The following HMCN1 variants were observed in gnomAD, a reference collection of about 807,000 sequenced individuals.
HMCN1 encodes hemicentin-1.
In HMCN1, 321 loss-of-function variants were observed where a neutral mutation model predicts 625.9. The observed-to-expected ratio is 0.51, with a 90% CI of 0.47 to 0.56. The LOEUF (loss-of-function observed/expected upper bound fraction) is 0.56, where lower values mean the gene tolerates loss of function less well. HMCN1 is among the 20% of genes least tolerant of loss of function. The pLI is 0.00. For synonymous variants in HMCN1, 2,425 were observed against 2,417.6 expected (o/e 1.00, Z -0.09); for missense variants, 6,588 against 6,887.3 (o/e 0.96, Z 1.54).
chr1:186,171,280 T>G lies in HMCN1; in HGVS notation c.15575-57T>G. ...CAAGATCATTAAAATGTTAAACATT[T>G]GGGATAAATTCAGGTTTCCTAATAG... On this transcript the variant is annotated intron_variant, in intron 100 of 106. Coordinates refer to ENST00000271588, the MANE Select transcript of HMCN1 (RefSeq NM_031935.3). 3.4e-6 allele frequency: 4 copies of G among 1,173,056 alleles called. No individual in the cohort carries two copies. The Admixed American group carries it at 5.1e-5, about 15-fold the overall frequency. The allele number at this position is 1,173,056 out of a possible 1,614,324, so 72.7% of individuals were successfully genotyped here.
At chr1:185,767,656 G>T (rs1655959022) in intron 1 of HMCN1, among the ~76,000 whole-genome samples, 2 of 152,234 alleles carry the variant, frequency 1.3e-5, no homozygotes, top group Non-Finnish European at 1.5e-5. Context: ...GTGAATAAAG[G>T]TATCTGCAAA....
chr1:185,854,226 A>AT (rs946102784), intron 2 of HMCN1, among the ~76,000 whole-genome samples: 49 of 152,260 alleles, frequency 3.2e-4, no homozygotes, highest in African/African-American at 1.0e-3. Flanking sequence ...GAAAATTAGA[A>AT]TTTTTTCTCT....
At position 186,081,288 on chromosome 1, in the gene HMCN1, G is replaced by C; in HGVS notation, c.8681G>C (p.Cys2894Ser). The C allele has an allele frequency of 6.2e-7, 1 of 1,613,140 alleles. No individual in the cohort carries two copies. The highest frequency in any genetic ancestry group is 1.3e-5 in the African/African-American group (1 of 74,982). The change falls in exon 56 of 107, where the codon TGT becomes TCT. Residue 2894 changes from cysteine to serine, a missense_variant. By Grantham distance (112) the Cys-to-Ser change is moderately radical. Coordinates refer to ENST00000271588, the MANE Select transcript of HMCN1 (RefSeq NM_031935.3). ...VLVNKSALIE[C>S]LSSGSPAPRN... ...GTGAACAAGAGTGCACTGATAGAGTGTTTATCCAGTGGCAGCCCAGCACCA... is the reference window on the plus strand; with the variant it reads ...GTGAACAAGAGTGCACTGATAGAGTCTTTATCCAGTGGCAGCCCAGCACCA...
intron 1 of HMCN1, 86 bp from the exon 2 acceptor site, chr1:185,845,940 A>C (rs369134800): frequency 1.2e-6 from 1 of 826,420 alleles, no homozygotes; most frequent in South Asian, 1.4e-5. Context: ...CATGTACTGC[A>C]AGGTGAAAAG....
chr1:186,142,901 C>G (rs755085263), intron 89 of HMCN1, among the ~76,000 whole-genome samples: 12 of 152,026 alleles, frequency 7.9e-5, no homozygotes, highest in Non-Finnish European at 1.6e-4. Flanking sequence ...TAACCAACAG[C>G]CTTGAAAATA....
At chr1:186,110,410 G>A (rs1459087628) in intron 71 of HMCN1, among the ~76,000 whole-genome samples, 2 of 152,172 alleles carry the variant, frequency 1.3e-5, no homozygotes, top group Non-Finnish European at 2.9e-5. Flanking sequence ...AGACACCGGT[G>A]TACTAAAAGC....
At chr1:186,088,819 A>G in intron 63 of HMCN1, 64 bp downstream of exon 63, 1 of 1,465,702 alleles carries the variant, frequency 6.8e-7, no homozygotes, top group Non-Finnish European at 9.4e-7. Context: ...GTACAAAATA[A>G]TCTACATTTA....
chr1:186,015,518 A>C, intron 31 of HMCN1, 81 bp downstream of exon 31: 1 of 1,337,158 alleles, frequency 7.5e-7, no homozygotes, highest in Non-Finnish European at 1.1e-6. Context: ...ATTCACTAAT[A>C]GTCCTTGGTG....
At chr1:185,891,344 T>G (rs1296365908) in intron 4 of HMCN1, among the ~76,000 whole-genome samples, 1 of 146,114 alleles carries the variant, frequency 6.8e-6, no homozygotes, top group Non-Finnish European at 1.5e-5. Context: ...GTGAATTTGA[T>G]CCTGTCATTA....
At chr1:186,031,172 C>A (rs1384480277) in intron 36 of HMCN1, among the ~76,000 whole-genome samples, 1 of 151,864 alleles carries the variant, frequency 6.6e-6, no homozygotes, top group Non-Finnish European at 1.5e-5. Context: ...TTTAGAATTC[C>A]TCATAGAACA....
At chr1:186,070,212 C>A (rs1658397481) in intron 51 of HMCN1, among the ~76,000 whole-genome samples, 1 of 152,178 alleles carries the variant, frequency 6.6e-6, no homozygotes, top group South Asian at 2.1e-4. Context: ...TAATGGGACT[C>A]ATATTTCAGA....
In HMCN1 at chr1:185,980,967, C is replaced by T; in HGVS notation, c.2567-11C>T. 6.6e-7 allele frequency: 1 copy of T among 1,525,688 alleles called. No homozygotes were observed. The highest frequency in any genetic ancestry group is 1.1e-5 in the South Asian group (1 of 89,268). 94.5% of individuals were successfully genotyped at this position (1,525,688 alleles called of 1,614,324 possible). Reference sequence around the variant, plus strand: ...ATGGTATTGGATGAGTAAATGAGTTCTTCCTTTTAGACTTATGGGCAAGTG... The same window carrying T: ...ATGGTATTGGATGAGTAAATGAGTTTTTCCTTTTAGACTTATGGGCAAGTG... On this transcript the variant is annotated splice_polypyrimidine_tract_variant and intron_variant, in intron 16 of 106. Coordinates refer to ENST00000271588, the MANE Select transcript of HMCN1 (RefSeq NM_031935.3).
chr1:186,178,123 A>G (rs919853900), intron 103 of HMCN1, among the ~76,000 whole-genome samples: 2 of 152,184 alleles, frequency 1.3e-5, no homozygotes, highest in South Asian at 4.1e-4. Context: ...GAACTTACAG[A>G]ACTAGTGTGT....
chr1:186,011,398 A>G (rs549906462), intron 30 of HMCN1, among the ~76,000 whole-genome samples: 2 of 152,274 alleles, frequency 1.3e-5, no homozygotes, highest in African/African-American at 4.8e-5. Flanking sequence ...ATGTTTCTTC[A>G]TACAGCTAAG....
At chr1:185,737,388 G>C (rs1653664201) in intron 1 of HMCN1, among the ~76,000 whole-genome samples, 1 of 152,142 alleles carries the variant, frequency 6.6e-6, no homozygotes, top group Non-Finnish European at 1.5e-5. Flanking sequence ...GGCCTCAAGT[G>C]ATTGTGCTGC....
chr1:185,988,278 C>G (rs1652144814), intron 20 of HMCN1, among the ~76,000 whole-genome samples: 1 of 152,148 alleles, frequency 6.6e-6, no homozygotes, highest in Admixed American at 6.5e-5. Context: ...TGTATTCTTG[C>G]AGTAAAGAAA....
rs1254765200 is a variant in HMCN1 at position 186,039,796 on chromosome 1, T to G, written c.6097T>G (p.Cys2033Gly). ...GGTTAATAACCCGGTGAGGTTAGAA[T>G]GTGAAGCCAGAGGTATTCCTGCCCC... is the stretch of plus-strand genomic sequence containing the variant. ...VVVNNPVRLE[C>G]EARGIPAPSL... The change falls in exon 39 of 107, where the codon TGT becomes GGT. Residue 2033 changes from cysteine to glycine, a missense_variant. Coordinates refer to ENST00000271588, the MANE Select transcript of HMCN1 (RefSeq NM_031935.3). The G allele has an allele frequency of 6.2e-7, 1 of 1,613,596 alleles. No homozygotes were observed. Among genetic ancestry groups the G allele is most frequent in the Non-Finnish European group, 8.5e-7 (1 of 1,179,644 alleles).
At chr1:185,982,507 C>T in intron 18 of HMCN1, 118 bp downstream of exon 18, 18 of 914,770 alleles carry the variant, frequency 2.0e-5, no homozygotes, top group Admixed American at 6.9e-5. Context: ...GTGGTGGGAT[C>T]TAGGCTCACC....
rs1365625858 is a variant in HMCN1 at position 186,137,611 on chromosome 1, A to G, written c.13696A>G (p.Lys4566Glu). The G allele has an allele frequency of 1.2e-6, 2 of 1,613,948 alleles. No homozygotes were observed. The highest frequency in any genetic ancestry group is 1.3e-5 in the African/African-American group (1 of 74,930). The change falls in exon 88 of 107, where the codon AAG becomes GAG. Residue 4566 changes from lysine to glutamate, a missense_variant. Physicochemically the swap from Lys to Glu is moderately conservative, Grantham distance 56. Around this residue, in one of 3 missense-constraint regions of HMCN1, gnomAD observed 1,954 missense variants for 2,013.1 expected, o/e 0.97. Transcript: ENST00000271588. ...CCAGCCCCTTCCAGCCAATGGTGGG[A>G]AGCCCTGCCAAGGTTCAGATTTGGA... Reference protein sequence around the residue: ...CNQPLPANGGKPCQGSDLEMR... With the variant: ...CNQPLPANGGEPCQGSDLEMR...
Sources: gnomAD v4.1 joint callset for allele counts (sites outside exome capture counted in the v4.1 genomes callset) on GRCh38, gnomAD v4.1.1 for gene constraint, gnomAD v4.1.1 regional missense constraint, MANE v1.5 for transcripts, NCBI Gene and HGNC (gene_info 2026-07-23, HGNC 2026-07-21) for gene names.